Variants in F13A1 observed in about 807,000 individuals in gnomAD.
F13A1 encodes the protein FSF, A subunit.
Under a neutral mutation model 80.1 loss-of-function variants are expected in F13A1, and 47 were observed. That is an observed-to-expected ratio of 0.59 (90% CI 0.46 to 0.75). The LOEUF (loss-of-function observed/expected upper bound fraction) is 0.75. Ranked by LOEUF, F13A1 falls within the 30% of genes least tolerant of loss-of-function variation. The pLI, the probability that F13A1 is intolerant of heterozygous loss-of-function variation, is 0.00. For synonymous variants in F13A1, 349 were observed against 344.9 expected, an observed-to-expected ratio of 1.01 and a Z score of -0.13; for missense variants, 817 against 930.4, an observed-to-expected ratio of 0.88 and a Z score of 1.59.
chr6:6,214,788 C>A (rs1343274183), intron 8 of F13A1, among the ~76,000 whole-genome samples: 1 of 54,810 alleles, frequency 1.8e-5, no homozygotes, highest in Non-Finnish European at 3.4e-5. Flanking sequence ...GCTAGCAAGA[C>A]TAATAAAGAA....
chr6:6,218,427 C>T (rs147361595), intron 8 of F13A1, among the ~76,000 whole-genome samples: 1 of 152,298 alleles, frequency 6.6e-6, no homozygotes, highest in African/African-American at 2.4e-5. Context: ...TTCATAGCTG[C>T]CTTCCCCCCA....
chr6:6,285,722 G>T (rs1389328429), intron 3 of F13A1, among the ~76,000 whole-genome samples: 1 of 152,212 alleles, frequency 6.6e-6, no homozygotes, highest in Non-Finnish European at 1.5e-5. Flanking sequence ...CGACCATCAG[G>T]TGACGGTCAT....
At chr6:6,211,351 G>A (rs916741505) in intron 8 of F13A1, among the ~76,000 whole-genome samples, 1 of 152,176 alleles carries the variant, frequency 6.6e-6, no homozygotes, top group South Asian at 2.1e-4. Flanking sequence ...TCTAACTCCA[G>A]GTGATTTTCC....
At chr6:6,210,318 G>C (rs1285468447) in intron 8 of F13A1, among the ~76,000 whole-genome samples, 1 of 58,588 alleles carries the variant, frequency 1.7e-5, no homozygotes, top group African/African-American at 7.6e-5. Flanking sequence ...AAATTTTGTA[G>C]CATGTGATAT....
intron 6 of F13A1, among the ~76,000 whole-genome samples, chr6:6,241,947 T>C (rs1001091599): frequency 3.3e-5 from 5 of 152,170 alleles, no homozygotes; most frequent in Admixed American, 6.5e-5. Flanking sequence ...AAGTAAACAA[T>C]TGAAAGAAAA....
Position 6,162,790 on chromosome 6 carries a change from A to G in F13A1, c.1908+4668T>C, listed in dbSNP as rs1760597613. The stretch of plus-strand genomic sequence containing the variant: ...CAGATGAGAATGCAGAAGCCAACAG[A>G]GGTGAAATGATCTGTCCAGGTTTAC... On this transcript the variant is annotated intron_variant, in intron 13 of 14. Coordinates refer to ENST00000264870, the MANE Select transcript of F13A1 (RefSeq NM_000129.4). This position sits in a 1 kb window ranked among gnomAD's most constrained non-coding sequence, Gnocchi z 4.2. Among the ~76,000 whole-genome samples the G allele has an allele frequency of 6.6e-6, 1 of 152,208 alleles. No individual in the cohort carries two copies. Among genetic ancestry groups the G allele is most frequent in the South Asian group, 2.1e-4 (1 of 4,834 alleles).
At chr6:6,205,672 C>T (rs1761474426) in intron 8 of F13A1, among the ~76,000 whole-genome samples, 1 of 151,632 alleles carries the variant, frequency 6.6e-6, no homozygotes, top group African/African-American at 2.4e-5. Context: ...TTCTTTTTTT[C>T]TTCTCCTTTC....
chr6:6,307,428 T>C (rs564933342), intron 2 of F13A1, among the ~76,000 whole-genome samples: 6 of 152,310 alleles, frequency 3.9e-5, no homozygotes, highest in African/African-American at 1.2e-4. Flanking sequence ...CTGGTCTTAT[T>C]AAGACCACAA....
chr6:6,294,901 C>G (rs1427753843), intron 3 of F13A1, among the ~76,000 whole-genome samples: 2 of 119,418 alleles, frequency 1.7e-5, no homozygotes, highest in African/African-American at 3.3e-5. Flanking sequence ...CCCCTCCCCC[C>G]ACCCCACAAC....
At chr6:6,301,185 C>T (rs1369763919) in intron 3 of F13A1, among the ~76,000 whole-genome samples, 4 of 152,070 alleles carry the variant, frequency 2.6e-5, no homozygotes, top group Non-Finnish European at 5.9e-5. Flanking sequence ...GAATTATTTC[C>T]CCAGCAATGT....
chr6:6,163,545 C>T (rs1225789559), intron 13 of F13A1, among the ~76,000 whole-genome samples: 1 of 152,210 alleles, frequency 6.6e-6, no homozygotes, highest in Non-Finnish European at 1.5e-5. Context: ...TATATATCCA[C>T]ATGTTCCCAT....
At chr6:6,242,570 C>G (rs1757497430) in intron 6 of F13A1, among the ~76,000 whole-genome samples, 1 of 152,002 alleles carries the variant, frequency 6.6e-6, no homozygotes, top group Non-Finnish European at 1.5e-5. Flanking sequence ...ATTAATATTA[C>G]CTTTTTTCTT....
chr6:6,197,676 C>CA lies in F13A1; in HGVS notation c.1113-351dup, dbSNP rs11343875. On this transcript the variant is annotated intron_variant, in intron 8 of 14. Transcript: ENST00000264870. Reference sequence around the variant, plus strand: ...CTGGTGACAGAGGGAGACTCCATCTCAAAAAAAAAAAAAAGTGACCCCAAA... The same window carrying CA: ...CTGGTGACAGAGGGAGACTCCATCTCAAAAAAAAAAAAAAAGTGACCCCAAA... 9.0e-3 allele frequency among the ~76,000 whole-genome samples: 1,239 copies of CA among 137,670 alleles called. 14 individuals carry two copies. Among genetic ancestry groups the CA allele is most frequent in the East Asian group, 0.036 (175 of 4,850 alleles). The allele number at this position is 137,670 out of a possible 152,430, so 90.3% of individuals were successfully genotyped here.
At chr6:6,255,517 C>G (rs1265821441) in intron 4 of F13A1, among the ~76,000 whole-genome samples, 2 of 152,050 alleles carry the variant, frequency 1.3e-5, no homozygotes, top group Non-Finnish European at 2.9e-5. Context: ...CAACACTGTG[C>G]CTTGGAACAC....
intron 4 of F13A1, among the ~76,000 whole-genome samples, chr6:6,254,817 A>G (rs1210426577): frequency 6.6e-6 from 1 of 152,160 alleles, no homozygotes; most frequent in Non-Finnish European, 1.5e-5. Context: ...GTTAATTGTT[A>G]GTGTCTCTAA....
intron 3 of F13A1, among the ~76,000 whole-genome samples, chr6:6,295,342 C>A (rs946783306): frequency 1.4e-5 from 2 of 147,470 alleles, no homozygotes; most frequent in Non-Finnish European, 2.9e-5. Flanking sequence ...AATGGTTGAA[C>A]TAGTTTACAG....
chr6:6,171,164 G>C (rs746006630), intron 12 of F13A1, among the ~76,000 whole-genome samples: 4 of 152,220 alleles, frequency 2.6e-5, no homozygotes, highest in Non-Finnish European at 5.9e-5. Flanking sequence ...CTTTGTCTAA[G>C]GATCTGTGCT....
chr6:6,220,356 AGCAG>A (rs1757173993), intron 8 of F13A1, among the ~76,000 whole-genome samples: 1 of 152,144 alleles, frequency 6.6e-6, no homozygotes, highest in Non-Finnish European at 1.5e-5. Flanking sequence ...AGTAATTTGG[AGCAG>A]GGACCTGAAT....
intron 10 of F13A1, among the ~76,000 whole-genome samples, chr6:6,184,775 C>T: frequency 6.6e-6 from 1 of 152,128 alleles, no homozygotes; most frequent in African/African-American, 2.4e-5. Flanking sequence ...TCAGAAATTC[C>T]TGTAGGCTGA....
Sources: gnomAD v4.1 joint callset for allele counts (sites outside exome capture counted in the v4.1 genomes callset) on GRCh38, gnomAD v4.1.1 for gene constraint, Gnocchi (gnomAD v3.1) non-coding constraint, MANE v1.5 for transcripts, NCBI Gene and HGNC (gene_info 2026-07-23, HGNC 2026-07-21) for gene names.